The following CFH variants were observed in gnomAD, a reference collection of about 807,000 sequenced individuals.
CFH encodes the protein complement factor H.
Under a neutral mutation model 147.3 loss-of-function variants are expected in CFH, and 53 were observed. The ratio of observed to expected loss-of-function variants is 0.36; its 90% CI spans 0.29 to 0.45. CFH has a LOEUF of 0.45. Among genes scored for constraint, CFH ranks in the 20% least tolerant of loss-of-function variants. CFH has a pLI of 1.00. For synonymous variants in CFH, 536 were observed against 489.4 expected, an observed-to-expected ratio of 1.10 and a Z score of -1.26; for missense variants, 1,380 against 1,498.0, an observed-to-expected ratio of 0.92 and a Z score of 1.30.
chr1:196,737,525 T>G lies in CFH; in HGVS notation c.2647T>G (p.Ser883Ala). ...TCAGATAGAACACGGAACCATTAAT[T>G]CATCCAGGTCTTCACAAGAAAGTTA... ...PPQIEHGTIN[S>A]SRSSQESYAH... Residue 883 changes from serine (S) to alanine (A), a missense_variant, in exon 17 of 22, where the codon TCA becomes GCA. Physicochemically the swap from Ser to Ala is moderately conservative, Grantham distance 99. Transcript: ENST00000367429. 2.5e-6 allele frequency: 4 copies of G among 1,613,378 alleles called. No homozygotes were observed. Among genetic ancestry groups the G allele is most frequent in the Non-Finnish European group, 3.4e-6 (4 of 1,179,564 alleles).
At chr1:196,738,185 C>T (rs1009348718) in intron 17 of CFH, among the ~76,000 whole-genome samples, 15 of 152,122 alleles carry the variant, frequency 9.9e-5, no homozygotes, top group African/African-American at 2.7e-4. Flanking sequence ...CCTACTGAGT[C>T]CCTCCCACAA....
At chr1:196,673,289 C>CTT (rs967536657) in intron 2 of CFH, 126 bp downstream of exon 2, 14 of 856,140 alleles carry the variant, frequency 1.6e-5, no homozygotes, top group South Asian at 3.6e-5. Context: ...AATACATAAT[C>CTT]TTTTTTTTTT....
chr1:196,677,551 AC>A lies in CFH; in HGVS notation c.505del (p.His169IlefsTer48). 6.2e-7 allele frequency: 1 copy of A among 1,613,334 alleles called. No individual in the cohort carries two copies. Among genetic ancestry groups the A allele is most frequent in the South Asian group, 1.1e-5 (1 of 91,062 alleles). On this transcript the variant is annotated frameshift_variant, in exon 5 of 22. Transcript: ENST00000367429. LOFTEE classifies it high-confidence loss of function. Reference protein sequence around the residue: ...VSSAMEPDREYHFGQAVRFVC... With the variant: ...VSSAMEPDREXHFGQAVRFVC... ...AGTGCAATGGAACCAGATCGGGAAT[AC>A]CATTTTGGACAAGCAGTACGGTTTG...
At chr1:196,691,347 A>T (rs1668018161) in intron 9 of CFH, among the ~76,000 whole-genome samples, 1 of 152,140 alleles carries the variant, frequency 6.6e-6, no homozygotes. Context: ...TCTTGTGCAT[A>T]TTCTACTCTA....
Position 196,743,561 on chromosome 1 carries a change from T to C in CFH, c.3243T>C (p.Tyr1081=), listed in dbSNP as rs780717943. 6.2e-7 allele frequency: 1 copy of C among 1,614,066 alleles called. No homozygotes were observed. The highest frequency in any genetic ancestry group is 8.5e-7 in the Non-Finnish European group (1 of 1,179,950). The change falls in exon 20 of 22, where the codon TAT becomes TAC. Residue 1081 remains tyrosine, a synonymous_variant. Transcript: ENST00000367429. ...TACGTTATCAATGTAGGAGCCCTTATGAAATGTTTGGGGATGAAGAAGTGA... is the reference window on the plus strand; with the variant it reads ...TACGTTATCAATGTAGGAGCCCTTACGAAATGTTTGGGGATGAAGAAGTGA... ...ERVRYQCRSP[Y]EMFGDEEVMC...
chr1:196,733,479 G>C (rs528087247), intron 15 of CFH, among the ~76,000 whole-genome samples: 1 of 152,056 alleles, frequency 6.6e-6, no homozygotes, highest in African/African-American at 2.4e-5. Flanking sequence ...TAACTGTAAA[G>C]GTTGTAGCAC....
At chr1:196,701,969 T>C (rs918186285) in intron 9 of CFH, among the ~76,000 whole-genome samples, 1 of 152,184 alleles carries the variant, frequency 6.6e-6, no homozygotes, top group Non-Finnish European at 1.5e-5. Context: ...TAGCTAGATT[T>C]GTTTTGTAAG....
Position 196,736,958 on chromosome 1 carries a change from G to A in CFH, c.2548G>A (p.Glu850Lys), listed in dbSNP as rs762443267. ...QENYLIQEGE[E>K]ITCKDGRWQS... ...AAATTATCTAATTCAGGAAGGAGAA[G>A]AAATTACATGCAAAGATGGAAGATG... Residue 850 changes from glutamate (E) to lysine (K), a missense_variant, in exon 16 of 22, where the codon GAA becomes AAA. This residue lies in a region of CFH where 830 missense variants were observed against 821.4 expected (regional missense o/e 1.01). Transcript: ENST00000367429. 1 of 1,611,930 alleles carries A rather than the reference G, an allele frequency of 6.2e-7. No individual in the cohort carries two copies. The highest frequency in any genetic ancestry group is 8.5e-7 in the Non-Finnish European group (1 of 1,178,616).
intron 18 of CFH, chr1:196,741,590 G>T: frequency 2.6e-6 from 1 of 379,772 alleles, no homozygotes. Flanking sequence ...CAGGTGGCAA[G>T]TATGGACAAA....
intron 9 of CFH, among the ~76,000 whole-genome samples, chr1:196,706,520 C>A (rs755401148): frequency 1.5e-4 from 23 of 152,222 alleles, no homozygotes; most frequent in Non-Finnish European, 2.5e-4. Context: ...AAATCCCTAC[C>A]TAATGGAAGA....
At chr1:196,672,891 A>G in intron 1 of CFH, 87 bp from the exon 2 acceptor site, 1 of 1,057,856 alleles carries the variant, frequency 9.5e-7, no homozygotes. Flanking sequence ...GTGACTGTCT[A>G]GGCATTTTTA....
chr1:196,693,598 T>C (rs1033062301), intron 9 of CFH, among the ~76,000 whole-genome samples: 2 of 152,116 alleles, frequency 1.3e-5, no homozygotes, highest in African/African-American at 4.8e-5. Context: ...ATTCATGCTC[T>C]GGGCGGGATG....
chr1:196,728,121 T>G (rs1669190023), intron 14 of CFH, among the ~76,000 whole-genome samples: 1 of 151,980 alleles, frequency 6.6e-6, no homozygotes, highest in Admixed American at 6.6e-5. Context: ...ATAAAATGTC[T>G]TCTGATAGGT....
chr1:196,707,076 C>T (rs993382589), intron 9 of CFH, among the ~76,000 whole-genome samples: 4 of 152,054 alleles, frequency 2.6e-5, no homozygotes, highest in Non-Finnish European at 4.4e-5. Context: ...ACCATATATT[C>T]CAGGCCCTCA....
chr1:196,680,569 G>A (rs188462961), intron 6 of CFH, among the ~76,000 whole-genome samples: 1 of 151,972 alleles, frequency 6.6e-6, no homozygotes, highest in African/African-American at 2.4e-5. Flanking sequence ...GGTGATAACA[G>A]TTTTGAGATA....
At position 196,673,966 on chromosome 1, in the gene CFH, T is replaced by C. The variant is rs775143764; in HGVS notation, c.350+4T>C. The C allele has an allele frequency of 1.3e-6, 2 of 1,574,904 alleles. No individual in the cohort carries two copies. The highest frequency in any genetic ancestry group is 2.2e-5 in the East Asian group (1 of 44,560). ...CTGTGTATACATGTAATGAGGGGTA[T>C]GTAGTCCATACGAAAAGAGGTTTAT... On this transcript the variant is annotated splice_donor_region_variant and intron_variant, in intron 3 of 21. Transcript: ENST00000367429.
At position 196,693,884 on chromosome 1, in the gene CFH, C is replaced by A. The variant is rs114256026; in HGVS notation, c.1336+3645C>A. Among the ~76,000 whole-genome samples the A allele has an allele frequency of 7.0e-3, 1,054 of 151,334 alleles. 10 individuals are homozygous for A. Among genetic ancestry groups the A allele is most frequent in the African/African-American group, 0.024 (981 of 41,130 alleles). Reference sequence around the variant, plus strand: ...TCATGCTGTTAAGAAAAATATTCATCTGCAGTTTTTATATAAACACAAATT... The same window carrying A: ...TCATGCTGTTAAGAAAAATATTCATATGCAGTTTTTATATAAACACAAATT... On this transcript the variant is annotated intron_variant, in intron 9 of 21. Coordinates refer to ENST00000367429, the MANE Select transcript of CFH (RefSeq NM_000186.4).
chr1:196,741,783 C>G (rs757948792), intron 18 of CFH, 92 bp from the exon 19 acceptor site: 8 of 1,172,344 alleles, frequency 6.8e-6, no homozygotes, highest in Non-Finnish European at 1.0e-5. Context: ...TTCATTGATT[C>G]TATATATCGC....
Position 196,737,009 on chromosome 1 carries a change from C to T in CFH, c.2596+3C>T. 1.2e-6 allele frequency: 2 copies of T among 1,606,066 alleles called. No individual in the cohort carries two copies. The highest frequency in any genetic ancestry group is 1.7e-6 in the Non-Finnish European group (2 of 1,174,230). The stretch of plus-strand genomic sequence containing the variant: ...GCAGTCAATACCACTCTGTGTTGGT[C>T]AGTAGTGTATAATTTGTTTTACATA... On this transcript the variant is annotated splice_donor_region_variant and intron_variant, in intron 16 of 21. Transcript: ENST00000367429.
Sources: allele counts gnomAD v4.1 joint callset (sites outside exome capture counted in the v4.1 genomes callset), GRCh38; gene constraint gnomAD v4.1.1; regional missense constraint gnomAD v4.1.1; transcripts MANE v1.5; gene names NCBI Gene and HGNC (gene_info 2026-07-23, HGNC 2026-07-21).